The following FLI1 variants were observed in gnomAD, a reference collection of about 807,000 sequenced individuals.
FLI1 encodes the protein Friend leukemia integration 1 transcription factor.
In FLI1, 13 loss-of-function variants were observed where a neutral mutation model predicts 53.1. The observed-to-expected ratio is 0.24, with a 90% CI of 0.16 to 0.39. The LOEUF is 0.39. Ranked by LOEUF, FLI1 falls within the 10% of genes least tolerant of loss-of-function variation. The pLI, the probability that FLI1 is intolerant of heterozygous loss-of-function variation, is 1.00. For synonymous variants in FLI1, 244 were observed against 236.7 expected, an observed-to-expected ratio of 1.03 and a Z score of -0.28; for missense variants, 424 against 600.5, an observed-to-expected ratio of 0.71 and a Z score of 3.07.
At chr11:128,713,911 C>T (rs975458218) in intron 1 of FLI1, among the ~76,000 whole-genome samples, 1 of 152,138 alleles carries the variant, frequency 6.6e-6, no homozygotes, top group Non-Finnish European at 1.5e-5. Flanking sequence ...ACCATAGTCC[C>T]CCCAGGCATT....
intron 5 of FLI1, among the ~76,000 whole-genome samples, chr11:128,786,144 T>A (rs2135873704): frequency 6.6e-6 from 1 of 152,270 alleles, no homozygotes; most frequent in South Asian, 2.1e-4. Flanking sequence ...TCCGGGTTAT[T>A]CATATAAGCC....
intron 3 of FLI1, among the ~76,000 whole-genome samples, chr11:128,770,309 TAGCTCCGGCTAG>T (rs1941505107): frequency 6.6e-6 from 1 of 152,256 alleles, no homozygotes; most frequent in African/African-American, 2.4e-5. Context: ...TTCATTATTT[TAGCTCCGGCTAG>T]ATCTTTTAGG....
chr11:128,712,773 G>C (rs1427067607), intron 1 of FLI1, among the ~76,000 whole-genome samples: 1 of 152,142 alleles, frequency 6.6e-6, no homozygotes, highest in Non-Finnish European at 1.5e-5. Flanking sequence ...GGGAGCTTTG[G>C]GTGGGGACAC....
intron 1 of FLI1, among the ~76,000 whole-genome samples, chr11:128,707,880 A>C (rs958708007): frequency 6.6e-5 from 10 of 152,156 alleles, no homozygotes; most frequent in African/African-American, 2.4e-4. Flanking sequence ...AAAGGCTCAA[A>C]ACACTGGTTT....
In FLI1 at chr11:128,744,422, TATA is replaced by T. The variant is rs564375704; in HGVS notation, c.19-13688_19-13686del. Among the ~76,000 whole-genome samples, 378 of 152,324 alleles carry T rather than the reference TATA, an allele frequency of 2.5e-3. 2 individuals are homozygous for T. Among genetic ancestry groups the T allele is most frequent in the African/African-American group, 8.4e-3 (349 of 41,564 alleles). On this transcript the variant is annotated intron_variant, in intron 1 of 8. Coordinates refer to ENST00000527786, the MANE Select transcript of FLI1 (RefSeq NM_002017.5). ...CTTTTCTGTACTATAATTTGTGAAT[TATA>T]ATAAGATGATTACATTTAGGGAGGG...
At chr11:128,758,086 G>A (rs1433523446) in intron 1 of FLI1, 29 bp from the exon 2 acceptor site, 5 of 1,585,594 alleles carry the variant, frequency 3.2e-6, no homozygotes, top group Non-Finnish European at 4.3e-6. Context: ...AGTGACACTG[G>A]GCTTTCTGTC....
At chr11:128,740,784 T>TA (rs1940099713) in intron 1 of FLI1, among the ~76,000 whole-genome samples, 1 of 152,224 alleles carries the variant, frequency 6.6e-6, no homozygotes, top group South Asian at 2.1e-4. Context: ...GGTACACCCC[T>TA]ACAGCTCAGA....
intron 1 of FLI1, among the ~76,000 whole-genome samples, chr11:128,687,651 T>G (rs2135673571): frequency 6.6e-6 from 1 of 152,022 alleles, no homozygotes; most frequent in East Asian, 1.9e-4. Context: ...GTCGGGCAAA[T>G]GCCAGGGCAG....
chr11:128,792,887 T>A lies in FLI1; in HGVS notation c.655+10864T>A, dbSNP rs890493172. ...ATCCCAGCACTTTGGAAACCCAAGGTGAGAGGATCACTTGAGCCCAGGAGT... is the reference window on the plus strand; with the variant it reads ...ATCCCAGCACTTTGGAAACCCAAGGAGAGAGGATCACTTGAGCCCAGGAGT... On this transcript the variant is annotated intron_variant, in intron 5 of 8. Transcript: ENST00000527786. Among the ~76,000 whole-genome samples the A allele has an allele frequency of 1.6e-4, 25 of 151,804 alleles. 1 individual carries two copies. The highest frequency in any genetic ancestry group is 1.4e-3 in the Admixed American group (22 of 15,242).
Position 128,768,104 on chromosome 11 carries a change from T to A in FLI1, c.231-14T>A. On this transcript the variant is annotated splice_polypyrimidine_tract_variant and intron_variant, in intron 2 of 8. Coordinates refer to ENST00000527786, the MANE Select transcript of FLI1 (RefSeq NM_002017.5). ...GTGCTGACCGCCTCTGGGCTTTGTC[T>A]CTTCTCACTTTAGGGAGTCTCCGGT... 1 of 1,601,818 alleles carries A rather than the reference T, an allele frequency of 6.2e-7. No individual in the cohort carries two copies. Among genetic ancestry groups the A allele is most frequent in the Non-Finnish European group, 8.5e-7 (1 of 1,172,172 alleles).
upstream of FLI1, chr11:128,686,310 G>C (rs764864103): frequency 1.3e-5 from 6 of 455,984 alleles, no homozygotes; most frequent in Non-Finnish European, 2.6e-5. Context: ...GGCATCCCCA[G>C]TTCGAAACTG....
chr11:128,801,795 T>C (rs1181572387), intron 5 of FLI1, among the ~76,000 whole-genome samples: 2 of 152,242 alleles, frequency 1.3e-5, no homozygotes, highest in Non-Finnish European at 2.9e-5. Flanking sequence ...CTACTAACTC[T>C]GTGTGGGGCC....
chr11:128,694,118 C>A lies in FLI1; in HGVS notation c.-141C>A. On this transcript the variant is annotated 5_prime_UTR_variant, in exon 1 of 9. Coordinates refer to ENST00000527786, the MANE Select transcript of FLI1 (RefSeq NM_002017.5). ...ACAAACGTGCACAGGGGAGTGAGGG[C>A]AGGGCGCTCGCAGGGGGCACGCAGG... 1.3e-6 allele frequency: 1 copy of A among 757,012 alleles called. No homozygotes were observed. Among genetic ancestry groups the A allele is most frequent in the Non-Finnish European group, 2.0e-6 (1 of 502,066 alleles). 46.9% of individuals were successfully genotyped at this position (757,012 alleles called of 1,614,324 possible). A position where few individuals can be genotyped will look rare whatever the true frequency, so the allele number is the denominator to read the frequency against.
At chr11:128,799,043 A>ATTTTTTTTTTTTTTTTTTTTTTTTT (rs1186555006) in intron 5 of FLI1, among the ~76,000 whole-genome samples, 2 of 128,670 alleles carry the variant, frequency 1.6e-5, no homozygotes, top group African/African-American at 5.9e-5. Context: ...TATTATTATT[A>ATTTTTTTTTTTTTTTTTTTTTTTTT]TTATTATTAT....
chr11:128,741,889 AG>A lies in FLI1; in HGVS notation c.19-16225del, dbSNP rs573276202. On this transcript the variant is annotated intron_variant, in intron 1 of 8. Coordinates refer to ENST00000527786, the MANE Select transcript of FLI1 (RefSeq NM_002017.5). The stretch of plus-strand genomic sequence containing the variant: ...GATGCTGAGTGGGGGAGGCTGGGGA[AG>A]CTTGTGCCTGGACTGTCTCGGGAGC... 3.9e-5 allele frequency among the ~76,000 whole-genome samples: 6 copies of A among 152,128 alleles called. No individual in the cohort carries two copies. The East Asian group carries it at 1.2e-3, about 29-fold the overall frequency.
intron 2 of FLI1, among the ~76,000 whole-genome samples, chr11:128,767,400 A>T (rs1165763530): frequency 6.6e-6 from 1 of 152,090 alleles, no homozygotes; most frequent in Non-Finnish European, 1.5e-5. Context: ...AACACAGAAG[A>T]CCTGAGTCCT....
At chr11:128,726,938 G>A (rs370761732) in intron 1 of FLI1, among the ~76,000 whole-genome samples, 1 of 152,152 alleles carries the variant, frequency 6.6e-6, no homozygotes, top group Non-Finnish European at 1.5e-5. Context: ...GGGGCAGAGG[G>A]GGGAAGAGGA....
At chr11:128,797,315 A>G (rs1942471403) in intron 5 of FLI1, among the ~76,000 whole-genome samples, 1 of 152,222 alleles carries the variant, frequency 6.6e-6, no homozygotes, top group Non-Finnish European at 1.5e-5. Flanking sequence ...TAACTTTGCT[A>G]TCCTACAACA....
chr11:128,759,243 G>C (rs143090974), intron 2 of FLI1, among the ~76,000 whole-genome samples: 300 of 152,340 alleles, frequency 2.0e-3, no homozygotes, highest in African/African-American at 7.0e-3. Flanking sequence ...AAAATAAAAA[G>C]CAACAGAGGG....
Sources: allele counts gnomAD v4.1 joint callset (sites outside exome capture counted in the v4.1 genomes callset), GRCh38; gene constraint gnomAD v4.1.1; transcripts MANE v1.5; gene names NCBI Gene and HGNC (gene_info 2026-07-23, HGNC 2026-07-21).